Variants in EYS observed in about 807,000 individuals in gnomAD.
EYS encodes the protein EGF-like photoreceptor maintenance factor.
EYS carries 250 observed loss-of-function variants against 282.1 expected under a neutral mutation model. The ratio of observed to expected loss-of-function variants is 0.89; its 90% CI spans 0.80 to 0.98. The LOEUF is 0.98. Ranked by LOEUF, EYS falls within the 50% of genes least tolerant of loss-of-function variation. EYS has a pLI of 0.00. For missense variants in EYS, 4,016 were observed against 3,709.0 expected, an observed-to-expected ratio of 1.08 and a Z score of -2.15; for synonymous variants, 1,355 against 1,282.9, an observed-to-expected ratio of 1.06 and a Z score of -1.20.
intron 2 of EYS, among the ~76,000 whole-genome samples, chr6:65,607,358 C>T (rs1190896531): frequency 6.6e-6 from 1 of 151,838 alleles, no homozygotes; most frequent in East Asian, 1.9e-4. Context: ...AGTAACTTCT[C>T]TCTAAAGTTA....
At chr6:64,670,263 C>T (rs188105002) in intron 22 of EYS, among the ~76,000 whole-genome samples, 4 of 151,990 alleles carry the variant, frequency 2.6e-5, no homozygotes, top group East Asian at 3.9e-4. Context: ...TTTAAAAGAT[C>T]GTCCACGCTT....
chr6:64,890,191 C>T (rs1294604499), intron 18 of EYS, among the ~76,000 whole-genome samples: 1 of 152,028 alleles, frequency 6.6e-6, no homozygotes, highest in African/African-American at 2.4e-5. Flanking sequence ...CTCTCAAAAC[C>T]CTGTCTCCTG....
chr6:65,636,259 A>G (rs1185160836), intron 2 of EYS, among the ~76,000 whole-genome samples: 1 of 152,146 alleles, frequency 6.6e-6, no homozygotes, highest in Non-Finnish European at 1.5e-5. Context: ...ACAACAACCT[A>G]CAAAATGTTT....
chr6:65,581,991 C>T (rs1764887772), intron 2 of EYS, among the ~76,000 whole-genome samples: 1 of 151,390 alleles, frequency 6.6e-6, no homozygotes, highest in Non-Finnish European at 1.5e-5. Flanking sequence ...AGTTTGAGAC[C>T]AGCCTGGATA....
intron 33 of EYS, among the ~76,000 whole-genome samples, chr6:64,064,026 C>T (rs1335591297): frequency 6.6e-6 from 1 of 152,138 alleles, no homozygotes; most frequent in Non-Finnish European, 1.5e-5. Flanking sequence ...AACTCATAAC[C>T]ACTGCTTTGC....
At chr6:65,332,528 A>C in intron 11 of EYS, 1 of 917,338 alleles carries the variant, frequency 1.1e-6, no homozygotes, top group Non-Finnish European at 1.7e-6. Flanking sequence ...TCTCATTTTC[A>C]TTGATCTTAG....
intron 2 of EYS, among the ~76,000 whole-genome samples, chr6:65,608,548 C>A (rs922786142): frequency 1.4e-4 from 22 of 151,934 alleles, no homozygotes; most frequent in Non-Finnish European, 1.5e-5. Context: ...AAATATATTT[C>A]ATTTTTTCAA....
intron 29 of EYS, among the ~76,000 whole-genome samples, chr6:64,312,621 T>G (rs759257806): frequency 3.9e-5 from 6 of 152,122 alleles, no homozygotes; most frequent in Non-Finnish European, 8.8e-5. Flanking sequence ...AGGCATCTCA[T>G]ATAGGCGAGC....
intron 11 of EYS, among the ~76,000 whole-genome samples, chr6:65,310,906 T>C (rs1482561235): frequency 6.6e-6 from 1 of 151,982 alleles, no homozygotes; most frequent in Non-Finnish European, 1.5e-5. Flanking sequence ...TTATTATTAT[T>C]ATTTTAAAAT....
At chr6:65,513,493 A>G (rs907442104) in intron 2 of EYS, among the ~76,000 whole-genome samples, 5 of 152,238 alleles carry the variant, frequency 3.3e-5, no homozygotes, top group Admixed American at 3.3e-4. Context: ...ACCAAAAAAG[A>G]GAATTTTAGA....
intron 12 of EYS, among the ~76,000 whole-genome samples, chr6:65,284,399 T>A (rs1193213712): frequency 1.3e-5 from 2 of 152,120 alleles, no homozygotes; most frequent in Non-Finnish European, 2.9e-5. Context: ...TTTTAAAAAG[T>A]CAGAAGCTGT....
At chr6:64,165,072 GTTATT>G (rs1295614500) in intron 31 of EYS, among the ~76,000 whole-genome samples, 3 of 152,082 alleles carry the variant, frequency 2.0e-5, no homozygotes, top group Non-Finnish European at 4.4e-5. Context: ...GGTTTAGTGA[GTTATT>G]TTTAGTCAAT....
chr6:64,354,145 G>A (rs1176813395), intron 29 of EYS, among the ~76,000 whole-genome samples: 4 of 151,560 alleles, frequency 2.6e-5, no homozygotes, highest in Non-Finnish European at 5.9e-5. Context: ...AAGGTAACAC[G>A]ATAGAGTATT....
At chr6:65,142,508 A>T (rs1357144856) in intron 12 of EYS, among the ~76,000 whole-genome samples, 1 of 151,564 alleles carries the variant, frequency 6.6e-6, no homozygotes, top group Non-Finnish European at 1.5e-5. Context: ...ACACACACAC[A>T]CACACACACA....
At chr6:64,925,839 G>A (rs1210861736) in intron 15 of EYS, among the ~76,000 whole-genome samples, 3 of 152,230 alleles carry the variant, frequency 2.0e-5, no homozygotes, top group East Asian at 1.9e-4. Context: ...TGGGCCAAGC[G>A]AGCCTGCATG....
At chr6:64,012,923 G>C (rs1224749681) in intron 33 of EYS, among the ~76,000 whole-genome samples, 1 of 152,138 alleles carries the variant, frequency 6.6e-6, no homozygotes, top group Non-Finnish European at 1.5e-5. Flanking sequence ...AAAGAGCTTT[G>C]TATAAAAAGC....
At chr6:64,913,287 A>G (rs1019715376) in intron 15 of EYS, among the ~76,000 whole-genome samples, 2 of 152,068 alleles carry the variant, frequency 1.3e-5, no homozygotes, top group Non-Finnish European at 2.9e-5. Flanking sequence ...CAGGGCTTAC[A>G]TGTGCAGGTT....
intron 22 of EYS, among the ~76,000 whole-genome samples, chr6:64,751,970 C>T (rs962475507): frequency 2.0e-5 from 3 of 152,030 alleles, no homozygotes; most frequent in Admixed American, 2.0e-4. Context: ...TAATCACATC[C>T]TCAAGGATGT....
intron 26 of EYS, among the ~76,000 whole-genome samples, chr6:64,559,351 TG>T (rs1241244709): frequency 2.0e-5 from 3 of 150,572 alleles, no homozygotes; most frequent in Non-Finnish European, 3.0e-5. Context: ...TGGAGTGCAG[TG>T]GAAGGATCAT....
Sources: gnomAD v4.1 joint callset for allele counts (sites outside exome capture counted in the v4.1 genomes callset) on GRCh38, gnomAD v4.1.1 for gene constraint, MANE v1.5 for transcripts, NCBI Gene and HGNC (gene_info 2026-07-23, HGNC 2026-07-21) for gene names.